ESRP1: variants seen among roughly 807,000 people sequenced by gnomAD.
The protein encoded by ESRP1 is epithelial splicing regulatory protein 1.
Under a neutral mutation model 81.7 loss-of-function variants are expected in ESRP1, and 33 were observed. That is an observed-to-expected ratio of 0.40 (90% CI 0.31 to 0.54). The LOEUF is 0.54. Ranked by LOEUF, ESRP1 falls within the 20% of genes least tolerant of loss-of-function variation. The probability of loss-of-function intolerance (pLI) is 0.41; values close to 1 mark genes in which losing one functional copy is unlikely to be tolerated. For synonymous variants in ESRP1, 320 were observed against 303.3 expected, an observed-to-expected ratio of 1.06 and a Z score of -0.57; for missense variants, 672 against 833.1, an observed-to-expected ratio of 0.81 and a Z score of 2.38.
chr8:94,692,755 G>A lies in ESRP1; in HGVS notation c.1899G>A (p.Thr633=), dbSNP rs375067656. 77 of 1,613,916 alleles carry A rather than the reference G, an allele frequency of 4.8e-5. No individual in the cohort carries two copies. Among genetic ancestry groups the A allele is most frequent in the Middle Eastern group, 1.6e-4 (1 of 6,062 alleles). ...GCGGTGTCCCTCCACAGCCTGGCACGGTGGTCAGAATGCAGGGCCTGGCCT... is the reference window on the plus strand; with the variant it reads ...GCGGTGTCCCTCCACAGCCTGGCACAGTGGTCAGAATGCAGGGCCTGGCCT... ...NLSGVPPQPG[T]VVRMQGLAYN... is the part of the protein sequence containing the mutation. The change falls in exon 14 of 16, where the codon ACG becomes ACA. Residue 633 remains threonine, a synonymous_variant. Coordinates refer to ENST00000433389, the MANE Select transcript of ESRP1 (RefSeq NM_017697.4).
intron 12 of ESRP1, among the ~76,000 whole-genome samples, chr8:94,677,864 G>A (rs1586225436): frequency 6.6e-6 from 1 of 152,104 alleles, no homozygotes; most frequent in East Asian, 1.9e-4. Flanking sequence ...TCAGTTCCTT[G>A]TTTCTTTCCT....
rs761241384 is a variant in ESRP1, at chr8:94,678,380, C to CT, written c.1820+10dup. 1.0e-5 allele frequency: 16 copies of CT among 1,607,480 alleles called. No individual in the cohort carries two copies. The highest frequency in any genetic ancestry group is 1.4e-5 in the Non-Finnish European group (16 of 1,176,226). On this transcript the variant is annotated intron_variant, in intron 13 of 15. Transcript: ENST00000433389. ...ACAGCGTACTATCCCAGGTAAGGCT[C>CT]TGACAGAGGTGGAAATGAGGGGCAG... is the stretch of plus-strand genomic sequence containing the variant.
intron 13 of ESRP1, among the ~76,000 whole-genome samples, chr8:94,681,101 G>A (rs1052624774): frequency 4.6e-5 from 7 of 150,816 alleles, no homozygotes; most frequent in Admixed American, 6.6e-5. Context: ...CAAGGTGGAC[G>A]GATCACGAGG....
chr8:94,675,191 A>G (rs1819529542), intron 12 of ESRP1, among the ~76,000 whole-genome samples: 1 of 152,222 alleles, frequency 6.6e-6, no homozygotes, highest in African/African-American at 2.4e-5. Context: ...TAGTTAGTGA[A>G]TAAGGAACAT....
In ESRP1 at chr8:94,674,504, C is replaced by T; in HGVS notation, c.1649C>T (p.Pro550Leu). The change falls in exon 12 of 16, where the codon CCA (proline) becomes CTA (leucine). Residue 550 changes from proline to leucine, a missense_variant and splice_region_variant. Pro to Leu is a moderately conservative substitution (Grantham distance 98, BLOSUM62 -3). Transcript: ENST00000433389. ...NGLSPPPCKL[P>L]CLSPPSYTFP... is the part of the protein sequence containing the mutation. The stretch of plus-strand genomic sequence containing the variant: ...TTATCCCCACCGCCATGTAAGTTAC[C>T]ATGTAAGTTTTTCTTGGGTCTTGGC... The T allele has an allele frequency of 6.2e-7, 1 of 1,611,384 alleles. No homozygotes were observed. Among genetic ancestry groups the T allele is most frequent in the Non-Finnish European group, 8.5e-7 (1 of 1,178,752 alleles).
At chr8:94,705,155 GCTTTTTTTTTTT>G (rs1236932546) in intron 15 of ESRP1, among the ~76,000 whole-genome samples, 1 of 92,978 alleles carries the variant, frequency 1.1e-5, no homozygotes, top group East Asian at 3.1e-4. Flanking sequence ...ATGCCTTATT[GCTTTTTTTTTTT>G]TTTTTTTTTT....
intron 13 of ESRP1, among the ~76,000 whole-genome samples, chr8:94,692,043 A>G (rs1266351121): frequency 6.6e-6 from 1 of 152,176 alleles, no homozygotes; most frequent in African/African-American, 2.4e-5. Context: ...TTGCAGATAT[A>G]CCGGAAGACC....
intron 13 of ESRP1, among the ~76,000 whole-genome samples, chr8:94,682,961 T>G (rs1426858711): frequency 1.8e-4 from 19 of 104,194 alleles, no homozygotes; most frequent in Non-Finnish European, 3.0e-4. Context: ...TTTTTTTTTT[T>G]GAGACGGAGT....
chr8:94,660,159 G>A (rs917085356), intron 4 of ESRP1, among the ~76,000 whole-genome samples: 1 of 152,192 alleles, frequency 6.6e-6, no homozygotes, highest in Non-Finnish European at 1.5e-5. Context: ...CTTAGAAGAT[G>A]ATGCCATCCT....
At chr8:94,695,977 T>G (rs1809590698) in intron 14 of ESRP1, among the ~76,000 whole-genome samples, 1 of 152,100 alleles carries the variant, frequency 6.6e-6, no homozygotes, top group Non-Finnish European at 1.5e-5. Flanking sequence ...GCAGGAGAAG[T>G]GCTTGAACCC....
At chr8:94,671,909 CTT>C (rs1476778547) in intron 11 of ESRP1, among the ~76,000 whole-genome samples, 1 of 152,122 alleles carries the variant, frequency 6.6e-6, no homozygotes, top group East Asian at 1.9e-4. Context: ...TAAGGAAAGA[CTT>C]AACTGTAAAT....
intron 13 of ESRP1, 24 bp downstream of exon 13, chr8:94,678,395 A>G: frequency 6.2e-7 from 1 of 1,603,226 alleles, no homozygotes; most frequent in South Asian, 1.1e-5. Flanking sequence ...AGAGGTGGAA[A>G]TGAGGGGCAG....
chr8:94,705,965 A>G lies in ESRP1; in HGVS notation c.*76A>G. 1 of 1,525,908 alleles carries G rather than the reference A, an allele frequency of 6.6e-7. No individual in the cohort carries two copies. The highest frequency in any genetic ancestry group is 1.3e-5 in the South Asian group (1 of 78,610). The allele number at this position is 1,525,908 out of a possible 1,614,324, so 94.5% of individuals were successfully genotyped here. On this transcript the variant is annotated 3_prime_UTR_variant, in exon 16 of 16. Transcript: ENST00000433389. ...TGGTGATCTTGAAACCTCCAGACAC[A>G]AGAAAACTTCTAGCAAATTCAGGGG...
At chr8:94,686,364 C>T (rs1283864721) in intron 13 of ESRP1, among the ~76,000 whole-genome samples, 2 of 152,198 alleles carry the variant, frequency 1.3e-5, no homozygotes, top group East Asian at 3.8e-4. Flanking sequence ...CTGAAGGAGC[C>T]TTGGCTGTGA....
chr8:94,704,779 A>G (rs1384959565), intron 15 of ESRP1, among the ~76,000 whole-genome samples: 1 of 150,806 alleles, frequency 6.6e-6, no homozygotes, highest in Non-Finnish European at 1.5e-5. Flanking sequence ...AAAAAAAAAA[A>G]AAAAAAAAAA....
intron 15 of ESRP1, among the ~76,000 whole-genome samples, chr8:94,705,501 A>G (rs1810035001): frequency 6.6e-6 from 1 of 152,112 alleles, no homozygotes; most frequent in South Asian, 2.1e-4. Context: ...CTTAGAAATT[A>G]TTTGGAATTT....
In ESRP1 at chr8:94,641,853, C is replaced by A. The variant is rs1246248822; in HGVS notation, c.133-103C>A. 3.3e-6 allele frequency: 5 copies of A among 1,533,168 alleles called. No homozygotes were observed. In the African/African-American group the frequency reaches 6.9e-5, roughly 21 times the overall value. The allele number at this position is 1,533,168 out of a possible 1,614,324, so 95.0% of individuals were successfully genotyped here. A position where few individuals can be genotyped will look rare whatever the true frequency, so the allele number is the denominator to read the frequency against. On this transcript the variant is annotated intron_variant, in intron 1 of 15. Coordinates refer to ENST00000433389, the MANE Select transcript of ESRP1 (RefSeq NM_017697.4). ...AGAGCTTTGATTCTGCGTCCGGACC[C>A]CAAGAGAGGCGCGGGCCGCCCCAGC...
chr8:94,666,846 T>C (rs1448836884), intron 9 of ESRP1, among the ~76,000 whole-genome samples: 3 of 152,216 alleles, frequency 2.0e-5, no homozygotes, highest in Non-Finnish European at 2.9e-5. Context: ...AACTTGGAGA[T>C]GGCAAAGTCA....
chr8:94,681,325 C>CAAAAAAAAAAAAA (rs1171703394), intron 13 of ESRP1, among the ~76,000 whole-genome samples: 1 of 31,284 alleles, frequency 3.2e-5, no homozygotes, highest in Non-Finnish European at 5.6e-5. Context: ...GACTCCATCT[C>CAAAAAAAAAAAAA]AAAAAAAAAA....
Sources: allele counts gnomAD v4.1 joint callset (sites outside exome capture counted in the v4.1 genomes callset), GRCh38; gene constraint gnomAD v4.1.1; transcripts MANE v1.5; gene names NCBI Gene and HGNC (gene_info 2026-07-23, HGNC 2026-07-21).